TXNDC16: variants seen among roughly 807,000 people sequenced by gnomAD.
TXNDC16 encodes thioredoxin domain-containing protein 16.
Under a neutral mutation model 85.6 loss-of-function variants are expected in TXNDC16, and 74 were observed. The observed-to-expected ratio is 0.86, with a 90% CI of 0.72 to 1.05. TXNDC16 has a LOEUF of 1.05. Among genes scored for constraint, TXNDC16 ranks in the 50% least tolerant of loss-of-function variants. TXNDC16 has a pLI of 0.00. For synonymous variants in TXNDC16, 335 were observed against 326.5 expected (o/e 1.03, Z -0.28); for missense variants, 959 against 947.0 (o/e 1.01, Z -0.17).
intron 9 of TXNDC16, among the ~76,000 whole-genome samples, chr14:52,495,655 G>A (rs960776508): frequency 1.3e-5 from 2 of 152,110 alleles, no homozygotes; most frequent in Non-Finnish European, 2.9e-5. Flanking sequence ...TACTGCAGCG[G>A]TAGTCTGCCC....
intron 9 of TXNDC16, among the ~76,000 whole-genome samples, chr14:52,497,965 C>T (rs1397680686): frequency 2.0e-5 from 3 of 151,356 alleles, no homozygotes; most frequent in African/African-American, 7.3e-5. Flanking sequence ...GGGATTTATG[C>T]TTGCAATGCA....
At chr14:52,476,552 T>A (rs2036025279) in intron 14 of TXNDC16, among the ~76,000 whole-genome samples, 1 of 151,712 alleles carries the variant, frequency 6.6e-6, no homozygotes. Flanking sequence ...CTCTGGAAAG[T>A]CTCAGCAATA....
chr14:52,505,730 G>A lies in TXNDC16; in HGVS notation c.756+5510C>T, dbSNP rs541877257. On this transcript the variant is annotated intron_variant, in intron 9 of 20. Transcript: ENST00000281741. ...TAACTAAGATCAGAGCAGCAGAGCA[G>A]AACTGAAGGAGAGAGACACAAAAAA... 2.7e-4 allele frequency among the ~76,000 whole-genome samples: 41 copies of A among 152,256 alleles called. No individual in the cohort carries two copies. The East Asian group carries it at 7.5e-3, about 28-fold the overall frequency.
intron 16 of TXNDC16, among the ~76,000 whole-genome samples, chr14:52,466,467 A>T (rs571251316): frequency 1.3e-5 from 2 of 151,600 alleles, no homozygotes; most frequent in Admixed American, 6.6e-5. Flanking sequence ...AGTCCAAATC[A>T]TTGAAACGAT....
At chr14:52,508,850 T>C (rs2036882372) in intron 9 of TXNDC16, among the ~76,000 whole-genome samples, 1 of 150,128 alleles carries the variant, frequency 6.7e-6, no homozygotes, top group Non-Finnish European at 1.5e-5. Context: ...TCTTACTTAT[T>C]GACAAAAGAA....
intron 6 of TXNDC16, among the ~76,000 whole-genome samples, chr14:52,526,815 C>T (rs2037346251): frequency 6.6e-6 from 1 of 152,194 alleles, no homozygotes; most frequent in Non-Finnish European, 1.5e-5. Context: ...CCCTCAGTCT[C>T]TGAGGAGGAG....
chr14:52,493,216 T>TATATATATATATATATACACACACACAC, intron 9 of TXNDC16, among the ~76,000 whole-genome samples: 11 of 115,994 alleles, frequency 9.5e-5, no homozygotes, highest in African/African-American at 3.5e-4. Context: ...TATATATATA[T>TATATATATATATATATACACACACACAC]ACACACACAC....
rs537579001 is a variant in TXNDC16 at position 52,491,571 on chromosome 14, T to C, written c.757-566A>G. 1.2e-3 allele frequency among the ~76,000 whole-genome samples: 167 copies of C among 139,816 alleles called. 1 individual carries two copies. Among genetic ancestry groups the C allele is most frequent in the African/African-American group, 4.6e-3 (162 of 35,494 alleles). 91.7% of individuals were successfully genotyped at this position (139,816 alleles called of 152,430 possible). A position where few individuals can be genotyped will look rare whatever the true frequency, so the allele number is the denominator to read the frequency against. On this transcript the variant is annotated intron_variant, in intron 9 of 20. Transcript: ENST00000281741. ...AACCAAAAATTACAATCATAAAGAATAAACATATTATAAATAAACAAAAAC... is the reference window on the plus strand; with the variant it reads ...AACCAAAAATTACAATCATAAAGAACAAACATATTATAAATAAACAAAAAC...
At chr14:52,495,115 G>A (rs986339565) in intron 9 of TXNDC16, among the ~76,000 whole-genome samples, 1 of 152,204 alleles carries the variant, frequency 6.6e-6, no homozygotes, top group Non-Finnish European at 1.5e-5. Flanking sequence ...CTAAAACCTG[G>A]TACCTTAAAA....
chr14:52,528,952 ATAT>A (rs941230667), intron 6 of TXNDC16, among the ~76,000 whole-genome samples: 4 of 147,688 alleles, frequency 2.7e-5, no homozygotes, highest in African/African-American at 9.8e-5. Context: ...CCTATTCTAT[ATAT>A]TATCTATATA....
intron 6 of TXNDC16, among the ~76,000 whole-genome samples, chr14:52,532,529 C>G (rs773706809): frequency 6.6e-6 from 1 of 152,036 alleles, no homozygotes; most frequent in African/African-American, 2.4e-5. Flanking sequence ...CTCCACCTCC[C>G]GGATTCACAC....
At chr14:52,442,675 T>C (rs2035194000) in intron 18 of TXNDC16, among the ~76,000 whole-genome samples, 1 of 152,154 alleles carries the variant, frequency 6.6e-6, no homozygotes, top group Non-Finnish European at 1.5e-5. Flanking sequence ...CCCTATGCTG[T>C]CTTCTTGTGT....
chr14:52,517,288 T>TA (rs1424154344), intron 7 of TXNDC16, among the ~76,000 whole-genome samples: 5 of 152,162 alleles, frequency 3.3e-5, no homozygotes, highest in Non-Finnish European at 5.9e-5. Flanking sequence ...GTTCAATACT[T>TA]ACAGCTGCAA....
At chr14:52,440,768 A>G in intron 18 of TXNDC16, 44 bp from the exon 19 acceptor site, 1 of 1,536,992 alleles carries the variant, frequency 6.5e-7, no homozygotes, top group Non-Finnish European at 8.9e-7. Context: ...TGCATTGGGG[A>G]TGATAATGCA....
In TXNDC16 at chr14:52,481,363, A is replaced by T. The variant is rs184515107; in HGVS notation, c.1312+867T>A. Among the ~76,000 whole-genome samples, 184 of 152,218 alleles carry T rather than the reference A, an allele frequency of 1.2e-3. 1 individual carries two copies. The highest frequency in any genetic ancestry group is 2.4e-3 in the African/African-American group (99 of 41,556). On this transcript the variant is annotated intron_variant, in intron 14 of 20. Transcript: ENST00000281741. ...ACCTATGGAAATAAAAAAAAATTTT[A>T]AAAAAGGAATGGTACACTTAGGGTT...
chr14:52,486,663 C>T (rs1044550847), intron 12 of TXNDC16, among the ~76,000 whole-genome samples: 37 of 151,962 alleles, frequency 2.4e-4, no homozygotes, highest in Admixed American at 1.0e-3. Flanking sequence ...CCTTTGTAAA[C>T]GGGAGTGATA....
chr14:52,506,694 C>A (rs1324205092), intron 9 of TXNDC16, among the ~76,000 whole-genome samples: 1 of 143,538 alleles, frequency 7.0e-6, no homozygotes, highest in East Asian at 2.2e-4. Context: ...GTAGCTGGGA[C>A]TACAGGCGCC....
intron 6 of TXNDC16, among the ~76,000 whole-genome samples, chr14:52,519,975 A>G (rs2037171938): frequency 6.6e-6 from 1 of 152,126 alleles, no homozygotes; most frequent in African/African-American, 2.4e-5. Context: ...TTTCTCATTA[A>G]ACCCTCATGC....
intron 20 of TXNDC16, among the ~76,000 whole-genome samples, chr14:52,438,607 A>C (rs1477721633): frequency 6.6e-6 from 1 of 152,230 alleles, no homozygotes; most frequent in East Asian, 1.9e-4. Flanking sequence ...ATACTTAGAA[A>C]CCAAAAAATT....
Sources: gnomAD v4.1 joint callset for allele counts (sites outside exome capture counted in the v4.1 genomes callset) on GRCh38, gnomAD v4.1.1 for gene constraint, MANE v1.5 for transcripts, NCBI Gene and HGNC (gene_info 2026-07-23, HGNC 2026-07-21) for gene names.